Variants in MAEL observed in about 807,000 individuals in gnomAD.
MAEL encodes the protein maelstrom spermatogenic transposon silencer.
A neutral mutation model predicts 62.0 loss-of-function variants in MAEL; 46 were observed. The observed-to-expected ratio is 0.74, with a 90% CI of 0.59 to 0.95. The LOEUF is 0.95. MAEL is among the 40% of genes least tolerant of loss of function. MAEL has a pLI of 0.00. For missense variants in MAEL, 497 were observed against 526.8 expected (o/e 0.94, Z 0.55); for synonymous variants, 172 against 175.5 (o/e 0.98, Z 0.16).
At chr1:167,004,984 A>T in intron 6 of MAEL, 92 bp from the exon 7 acceptor site, 1 of 1,254,124 alleles carries the variant, frequency 8.0e-7, no homozygotes, top group African/African-American at 1.5e-5. Flanking sequence ...CCCAACCCCC[A>T]CATTTTGAAA....
intron 6 of MAEL, among the ~76,000 whole-genome samples, chr1:167,004,762 A>T (rs1664821275): frequency 6.6e-6 from 1 of 152,172 alleles, no homozygotes; most frequent in South Asian, 2.1e-4. Context: ...TACTTAGTAT[A>T]ACCGTGAAGT....
intron 1 of MAEL, among the ~76,000 whole-genome samples, chr1:166,983,000 C>G (rs1663803735): frequency 6.6e-6 from 1 of 152,170 alleles, no homozygotes; most frequent in Non-Finnish European, 1.5e-5. Flanking sequence ...TAATAACCAC[C>G]CTAAAATTGT....
chr1:167,016,299 G>A lies in MAEL; in HGVS notation c.908+15G>A. 1 of 1,611,702 alleles carries A rather than the reference G, an allele frequency of 6.2e-7. No individual in the cohort carries two copies. Among genetic ancestry groups the A allele is most frequent in the Middle Eastern group, 1.7e-4 (1 of 6,044 alleles). On this transcript the variant is annotated intron_variant, in intron 9 of 11. Coordinates refer to ENST00000367872, the MANE Select transcript of MAEL (RefSeq NM_032858.3). The stretch of plus-strand genomic sequence containing the variant: ...AAGAAGATTGCGTAAGTTGGGGAAA[G>A]GAGTTTCTTCATAATACTGTATTCT...
Position 166,975,992 on chromosome 1 carries a change from AC to A in MAEL, c.-121+331del, listed in dbSNP as rs531040724. 5.6e-3 allele frequency among the ~76,000 whole-genome samples: 849 copies of A among 151,254 alleles called. 8 individuals are homozygous for A. The highest frequency in any genetic ancestry group is 0.02 in the African/African-American group (808 of 41,116). On this transcript the variant is annotated intron_variant, in intron 1 of 12. Transcript: ENST00000622874. The stretch of plus-strand genomic sequence containing the variant: ...AGGCTAGAATGTTCGCTTCTGCGGT[AC>A]CCCCGCCCCTCCGTCTGGTTTCCTT...
rs764191489 is a variant in MAEL at position 167,021,746 on chromosome 1, G to C, written c.1196G>C (p.Ser399Thr). The change falls in exon 12 of 12, where the codon AGC (serine) becomes ACC (threonine). Residue 399 changes from serine (S) to threonine (T), a missense_variant. By Grantham distance (58) the Ser-to-Thr change is moderately conservative. Transcript: ENST00000367872. ...RGRGITRLLESISNSSSNIHK... is the reference protein window; with the variant it reads ...RGRGITRLLETISNSSSNIHK... Reference sequence around the variant, plus strand: ...AGAGGAATTACCCGCTTACTAGAGAGCATTTCCAATTCTTCCAGCAATATC... The same window carrying C: ...AGAGGAATTACCCGCTTACTAGAGACCATTTCCAATTCTTCCAGCAATATC... 5.1e-5 allele frequency: 82 copies of C among 1,613,380 alleles called. No homozygotes were observed. The highest frequency in any genetic ancestry group is 6.0e-5 in the Non-Finnish European group (71 of 1,179,732).
intron 1 of MAEL, among the ~76,000 whole-genome samples, chr1:166,978,278 G>A (rs769520672): frequency 9.2e-5 from 14 of 152,294 alleles, no homozygotes; most frequent in Middle Eastern, 3.4e-3. Context: ...AGTGAGTGGC[G>A]CCCAGGCCAT....
chr1:167,017,867 C>T lies in MAEL; in HGVS notation c.949C>T (p.Gln317Ter), dbSNP rs1665459852. 6.2e-7 allele frequency: 1 copy of T among 1,612,862 alleles called. No homozygotes were observed. Residue 317 changes from glutamine (Q) to a stop codon, truncating the protein, a stop_gained, in exon 10 of 12, where the codon CAG becomes TAG. Coordinates refer to ENST00000367872, the MANE Select transcript of MAEL (RefSeq NM_032858.3). LOFTEE classifies it high-confidence loss of function. ...SNSLATLFGI[Q>*]LTEAHVPLQD... The stretch of plus-strand genomic sequence containing the variant: ...TTCTCTGGCCACTCTCTTTGGAATC[C>T]AGCTCACAGAGGCTCATGTACCACT...
At chr1:167,009,619 T>C (rs1315897494) in intron 8 of MAEL, among the ~76,000 whole-genome samples, 1 of 151,532 alleles carries the variant, frequency 6.6e-6, no homozygotes, top group Non-Finnish European at 1.5e-5. Flanking sequence ...CATAGTTTAA[T>C]GTTAGTTTTG....
intron 9 of MAEL, 39 bp downstream of exon 9, chr1:167,016,323 C>G: frequency 6.3e-7 from 1 of 1,576,608 alleles, no homozygotes; most frequent in Non-Finnish European, 8.7e-7. Flanking sequence ...ATACTGTATT[C>G]TGATTAAATT....
At position 167,004,290 on chromosome 1, in the gene MAEL, CCTAT is replaced by C; in HGVS notation, c.638_641del (p.Ile213ThrfsTer14). ...TCATCCCAACCCAGGGAACTGGCCA[CCTAT>C]CTACTGCAAGGTAATTTCAGGTTAA... On this transcript the variant is annotated frameshift_variant, in exon 6 of 12. Transcript: ENST00000367872. LOFTEE classifies it high-confidence loss of function. 1 of 1,600,780 alleles carries C rather than the reference CCTAT, an allele frequency of 6.2e-7. No individual in the cohort carries two copies.
intron 8 of MAEL, among the ~76,000 whole-genome samples, chr1:167,015,399 C>G (rs1312697232): frequency 6.6e-6 from 1 of 152,164 alleles, no homozygotes; most frequent in East Asian, 1.9e-4. Context: ...TAACTTTCAT[C>G]CAGTGCAAAT....
In MAEL at chr1:166,989,349, T is replaced by A; in HGVS notation, c.-4T>A. On this transcript the variant is annotated 5_prime_UTR_variant, in exon 1 of 12. Transcript: ENST00000367872. ...CTGAGGCCAGGAAGTTTGACCGCGC[T>A]GCCATGCCGAACCGTAAGGCCAGCC... 6.2e-7 allele frequency: 1 copy of A among 1,608,832 alleles called. No homozygotes were observed. Among genetic ancestry groups the A allele is most frequent in the Non-Finnish European group, 8.5e-7 (1 of 1,177,798 alleles).
At position 166,995,683 on chromosome 1, in the gene MAEL, A is replaced by AAT. The variant is rs1553236276; in HGVS notation, c.523+1615_523+1616insTA. 2.3e-3 allele frequency among the ~76,000 whole-genome samples: 343 copies of AAT among 151,864 alleles called. 4 individuals carry two copies. The highest frequency in any genetic ancestry group is 7.9e-3 in the African/African-American group (327 of 41,380). On this transcript the variant is annotated intron_variant, in intron 5 of 11. Coordinates refer to ENST00000367872, the MANE Select transcript of MAEL (RefSeq NM_032858.3). Reference sequence around the variant, plus strand: ...ATTGAACTAGATGGCAGTTAAAAAAAAAAAATAAAAAAAAAATGGAAACTT... The same window carrying AAT: ...ATTGAACTAGATGGCAGTTAAAAAAAATAAAAATAAAAAAAAAATGGAAACTT...
chr1:166,991,319 G>T, intron 2 of MAEL, 59 bp from the exon 3 acceptor site: 1 of 1,046,694 alleles, frequency 9.6e-7, no homozygotes, highest in Non-Finnish European at 1.5e-6. Flanking sequence ...AAATTTTAAT[G>T]TATGGTCTAA....
chr1:166,992,652 C>T (rs1045671682), intron 3 of MAEL, 34 bp from the exon 4 acceptor site: 4 of 1,484,342 alleles, frequency 2.7e-6, no homozygotes, highest in Middle Eastern at 1.8e-4. Context: ...TTGAGACATT[C>T]ATTTATTCAT....
rs770399216 is a variant in MAEL at position 167,021,803 on chromosome 1, C to G, written c.1253C>G (p.Ser418Ter). The G allele has an allele frequency of 5.0e-6, 8 of 1,612,450 alleles. No homozygotes were observed. The South Asian group carries it at 8.8e-5, about 18-fold the overall frequency. ...TTCTCCAACTGTGACACTTCACTCT[C>G]ACCTTACATGTCCCAAAAAGATGGA... is the stretch of plus-strand genomic sequence containing the variant. Reference protein sequence around the residue: ...HKFSNCDTSLSPYMSQKDGYK... With the variant: ...HKFSNCDTSL The change falls in exon 12 of 12, where the codon TCA becomes TGA. Residue 418 changes from serine (S) to a stop codon, truncating the protein, a stop_gained. Coordinates refer to ENST00000367872, the MANE Select transcript of MAEL (RefSeq NM_032858.3). LOFTEE classifies it high-confidence loss of function.
Position 166,992,669 on chromosome 1 carries a change from T to G in MAEL, c.326-17T>G, listed in dbSNP as rs774339323. 4 of 1,561,522 alleles carry G rather than the reference T, an allele frequency of 2.6e-6. No homozygotes were observed. Among genetic ancestry groups the G allele is most frequent in the Non-Finnish European group, 3.4e-6 (4 of 1,160,748 alleles). ...GAGACATTCATTTATTCATTTTATC[T>G]TACAATTTTTTTTTAGCTCTCCTTG... On this transcript the variant is annotated splice_polypyrimidine_tract_variant and intron_variant, in intron 3 of 11. Coordinates refer to ENST00000367872, the MANE Select transcript of MAEL (RefSeq NM_032858.3).
At chr1:166,989,699 C>T (rs370260646) in intron 1 of MAEL, 38 bp from the exon 2 acceptor site, 6 of 1,593,538 alleles carry the variant, frequency 3.8e-6, no homozygotes, top group South Asian at 2.3e-5. Context: ...GGGATCCTCA[C>T]GGCTGTTTCT....
chr1:166,986,639 A>G (rs1663922903), upstream of MAEL, among the ~76,000 whole-genome samples: 1 of 152,250 alleles, frequency 6.6e-6, no homozygotes, highest in Non-Finnish European at 1.5e-5. Flanking sequence ...GTACAGCAAA[A>G]AATAGTTATC....
Sources: allele counts gnomAD v4.1 joint callset (sites outside exome capture counted in the v4.1 genomes callset), GRCh38; gene constraint gnomAD v4.1.1; transcripts MANE v1.5; gene names NCBI Gene and HGNC (gene_info 2026-07-23, HGNC 2026-07-21).